SYT1: variants seen among roughly 807,000 people sequenced by gnomAD.
SYT1 encodes synaptotagmin 1, also known as synaptotagmin-1.
Under a neutral mutation model 44.8 loss-of-function variants are expected in SYT1, and 8 were observed. The ratio of observed to expected loss-of-function variants is 0.18; its 90% CI spans 0.10 to 0.32. SYT1 has a LOEUF of 0.32. SYT1 is among the 10% of genes least tolerant of loss of function. The pLI is 1.00. For missense variants in SYT1, 286 were observed against 509.3 expected (o/e 0.56, Z 4.22); for synonymous variants, 154 against 188.8 (o/e 0.82, Z 1.51).
chr12:79,250,612 G>A (rs1266913011), intron 4 of SYT1, among the ~76,000 whole-genome samples: 1 of 152,198 alleles, frequency 6.6e-6, no homozygotes, highest in East Asian at 1.9e-4. Context: ...ATTTTAGGAT[G>A]ATCCAATTCT....
At chr12:79,237,822 C>T (rs1016361330) in intron 4 of SYT1, among the ~76,000 whole-genome samples, 1 of 152,124 alleles carries the variant, frequency 6.6e-6, no homozygotes, top group African/African-American at 2.4e-5. Context: ...TATAATTTTG[C>T]TAACCCTATA....
intron 8 of SYT1, among the ~76,000 whole-genome samples, chr12:79,304,531 G>A (rs1422063097): frequency 2.6e-5 from 4 of 152,078 alleles, no homozygotes; most frequent in Non-Finnish European, 5.9e-5. Flanking sequence ...ACTTTTGTTT[G>A]TTTGTTAAAG....
chr12:79,240,352 CCTT>C (rs1592887103), intron 4 of SYT1, among the ~76,000 whole-genome samples: 3 of 152,156 alleles, frequency 2.0e-5, no homozygotes, highest in Admixed American at 6.5e-5. Flanking sequence ...TTTCTTCTCT[CCTT>C]CTTTTTGGTG....
intron 3 of SYT1, among the ~76,000 whole-genome samples, chr12:79,165,329 T>C (rs1478541913): frequency 1.3e-5 from 2 of 152,036 alleles, no homozygotes; most frequent in Admixed American, 1.3e-4. Flanking sequence ...ATTTATTACA[T>C]ATTTGTAGCT....
At chr12:79,109,996 A>G (rs1565810634) in intron 3 of SYT1, among the ~76,000 whole-genome samples, 1 of 152,258 alleles carries the variant, frequency 6.6e-6, no homozygotes, top group Non-Finnish European at 1.5e-5. Context: ...TTCAAAATGT[A>G]GTGAACACTT....
chr12:79,448,625 C>T (rs891129201), intron 10 of SYT1, among the ~76,000 whole-genome samples: 5 of 152,178 alleles, frequency 3.3e-5, no homozygotes, highest in Admixed American at 2.0e-4. Context: ...CCTTAAACAA[C>T]CTCAGACAGG....
chr12:79,049,278 C>T (rs1194671311), intron 3 of SYT1, among the ~76,000 whole-genome samples: 2 of 151,864 alleles, frequency 1.3e-5, no homozygotes, highest in Non-Finnish European at 2.9e-5. Context: ...GGAGACATCT[C>T]ATTCAAGTAA....
intron 8 of SYT1, among the ~76,000 whole-genome samples, chr12:79,301,222 A>G (rs1880134408): frequency 6.6e-6 from 1 of 152,068 alleles, no homozygotes; most frequent in Admixed American, 6.6e-5. Flanking sequence ...CTGGTACTTC[A>G]CAATGCCCAC....
intron 9 of SYT1, among the ~76,000 whole-genome samples, chr12:79,372,108 G>A (rs143847529): frequency 1.3e-3 from 191 of 152,182 alleles, no homozygotes; most frequent in African/African-American, 4.3e-3. Flanking sequence ...GAGTTATCTC[G>A]TCCCATGATT....
chr12:79,327,778 T>G (rs1258004999), intron 8 of SYT1, among the ~76,000 whole-genome samples: 1 of 152,178 alleles, frequency 6.6e-6, no homozygotes, highest in Non-Finnish European at 1.5e-5. Flanking sequence ...GGTCAGAATG[T>G]AAATTTGAAA....
intron 1 of SYT1, among the ~76,000 whole-genome samples, chr12:78,897,180 C>G (rs1376731515): frequency 6.6e-6 from 1 of 151,768 alleles, no homozygotes; most frequent in Non-Finnish European, 1.5e-5. Flanking sequence ...TAAAACATGT[C>G]ATAAGTAGCT....
intron 9 of SYT1, among the ~76,000 whole-genome samples, chr12:79,405,041 T>C (rs907477192): frequency 6.6e-6 from 1 of 152,164 alleles, no homozygotes; most frequent in East Asian, 1.9e-4. Context: ...AGGCCATTGA[T>C]TGGGAAGTTG....
At chr12:78,948,953 CTATTATATTATATTA>C (rs71441943) in intron 1 of SYT1, among the ~76,000 whole-genome samples, 5,352 of 142,474 alleles carry the variant, frequency 0.038, 128 homozygotes, top group African/African-American at 0.074. Context: ...AAATCAAGGC[CTATTATATTATATTA>C]TATTATATTA....
intron 3 of SYT1, among the ~76,000 whole-genome samples, chr12:79,107,995 CTT>C (rs1404900316): frequency 6.6e-6 from 1 of 151,942 alleles, no homozygotes; most frequent in African/African-American, 2.4e-5. Context: ...TTAATGCAAT[CTT>C]CAGCAAATTA....
chr12:78,886,095 C>T (rs1294509723), intron 1 of SYT1, among the ~76,000 whole-genome samples: 5 of 151,890 alleles, frequency 3.3e-5, no homozygotes, highest in Non-Finnish European at 7.4e-5. Context: ...ATATGTACTT[C>T]CTCAGCCACT....
chr12:79,403,163 G>A (rs2136118233), intron 9 of SYT1, among the ~76,000 whole-genome samples: 1 of 152,310 alleles, frequency 6.6e-6, no homozygotes, highest in East Asian at 1.9e-4. Context: ...CATAAGGAAA[G>A]ATGTATCTTC....
At chr12:78,963,611 G>A (rs1319742722) in intron 1 of SYT1, among the ~76,000 whole-genome samples, 1 of 151,934 alleles carries the variant, frequency 6.6e-6, no homozygotes, top group Non-Finnish European at 1.5e-5. Flanking sequence ...CAACACCAGA[G>A]ATATCACCTC....
chr12:79,181,323 A>G (rs959283948), intron 3 of SYT1, among the ~76,000 whole-genome samples: 2 of 152,098 alleles, frequency 1.3e-5, no homozygotes, highest in Non-Finnish European at 2.9e-5. Context: ...AAACAAAGTC[A>G]TTCATAACAT....
intron 1 of SYT1, among the ~76,000 whole-genome samples, chr12:78,907,103 G>A (rs1876032594): frequency 6.6e-6 from 1 of 151,862 alleles, no homozygotes; most frequent in African/African-American, 2.4e-5. Context: ...GTTTGTGGTA[G>A]GTGCTTCAGG....
Sources: allele counts gnomAD v4.1 joint callset (sites outside exome capture counted in the v4.1 genomes callset), GRCh38; gene constraint gnomAD v4.1.1; transcripts MANE v1.5; gene names NCBI Gene and HGNC (gene_info 2026-07-23, HGNC 2026-07-21).